CA10: variants seen among roughly 807,000 people sequenced by gnomAD.
The protein encoded by CA10 is carbonic anhydrase-related protein 10.
Under a neutral mutation model 44.2 loss-of-function variants are expected in CA10, and 14 were observed. The ratio of observed to expected loss-of-function variants is 0.32; its 90% CI spans 0.21 to 0.50. The LOEUF (loss-of-function observed/expected upper bound fraction) is 0.50, where lower values mean the gene tolerates loss of function less well. Among genes scored for constraint, CA10 ranks in the 20% least tolerant of loss-of-function variants. CA10 has a pLI of 0.99. For synonymous variants in CA10, 159 were observed against 141.6 expected (o/e 1.12, Z -0.87); for missense variants, 350 against 409.7 (o/e 0.85, Z 1.26).
chr17:51,961,919 A>G (rs1333333690), intron 2 of CA10, among the ~76,000 whole-genome samples: 1 of 151,802 alleles, frequency 6.6e-6, no homozygotes, highest in Admixed American at 6.6e-5. Context: ...CCTTTCCTGC[A>G]CAGAAATCAT....
intron 2 of CA10, among the ~76,000 whole-genome samples, chr17:51,948,686 A>T (rs1983374067): frequency 6.6e-6 from 1 of 152,012 alleles, no homozygotes; most frequent in African/African-American, 2.4e-5. Context: ...AGGGTCTTTT[A>T]TGTGTGTGCC....
chr17:51,693,288 G>A (rs1268206658), intron 4 of CA10, among the ~76,000 whole-genome samples: 2 of 152,076 alleles, frequency 1.3e-5, no homozygotes, highest in East Asian at 3.9e-4. Flanking sequence ...AGCTGGTTTT[G>A]GCTGGTTTAG....
chr17:52,117,760 A>G (rs1402533119), intron 1 of CA10, among the ~76,000 whole-genome samples: 3 of 152,252 alleles, frequency 2.0e-5, no homozygotes, highest in African/African-American at 7.2e-5. Context: ...CAAGGTGTGT[A>G]AGAACAGTAA....
chr17:51,637,627 G>A (rs1912890871), intron 6 of CA10, among the ~76,000 whole-genome samples: 1 of 152,196 alleles, frequency 6.6e-6, no homozygotes, highest in Non-Finnish European at 1.5e-5. Context: ...GCACATATAT[G>A]GTAAAGGAAG....
intron 3 of CA10, among the ~76,000 whole-genome samples, chr17:51,808,416 G>A (rs1046028231): frequency 2.6e-5 from 4 of 152,096 alleles, no homozygotes; most frequent in Admixed American, 6.6e-5. Flanking sequence ...TTAGCAGTAC[G>A]TATAGCTTTT....
intron 6 of CA10, among the ~76,000 whole-genome samples, chr17:51,643,942 G>T (rs1395884933): frequency 6.6e-6 from 1 of 152,116 alleles, no homozygotes; most frequent in East Asian, 1.9e-4. Flanking sequence ...TTAGAAGCTT[G>T]CTTAAAGTCA....
chr17:51,631,320 G>C lies in CA10; in HGVS notation c.*264C>G. On this transcript the variant is annotated 3_prime_UTR_variant, in exon 9 of 9. Coordinates refer to ENST00000451037, the MANE Select transcript of CA10 (RefSeq NM_020178.5). ...AACTTGACTTCCCATGATGGAGGTT[G>C]TAAGAGTGTGTGTGTGTGTAGGTAT... is the stretch of plus-strand genomic sequence containing the variant. 1 of 454,656 alleles carries C rather than the reference G, an allele frequency of 2.2e-6. No individual in the cohort carries two copies. Among genetic ancestry groups the C allele is most frequent in the South Asian group, 3.8e-5 (1 of 25,992 alleles). 28.2% of individuals were successfully genotyped at this position (454,656 alleles called of 1,614,324 possible).
chr17:51,803,061 G>T (rs1453438147), intron 3 of CA10, among the ~76,000 whole-genome samples: 1 of 152,156 alleles, frequency 6.6e-6, no homozygotes, highest in Non-Finnish European at 1.5e-5. Flanking sequence ...TAAATGGGGG[G>T]ATTAGGCTAA....
intron 2 of CA10, among the ~76,000 whole-genome samples, chr17:51,960,912 A>T (rs895016432): frequency 6.6e-6 from 1 of 152,188 alleles, no homozygotes; most frequent in Non-Finnish European, 1.5e-5. Flanking sequence ...ACATGAGTCT[A>T]GGTATTCCTG....
chr17:51,674,683 G>A lies in CA10; in HGVS notation c.466-20947C>T, dbSNP rs115481943. Among the ~76,000 whole-genome samples the A allele has an allele frequency of 7.3e-3, 1,111 of 152,052 alleles. 10 individuals carry two copies. The highest frequency in any genetic ancestry group is 0.025 in the African/African-American group (1,027 of 41,472). On this transcript the variant is annotated intron_variant, in intron 4 of 8. Transcript: ENST00000451037. ...TCTCACCGCAGTGGTGTGCTCTTCC[G>A]CTGCTGGTAAATTGGCACAATAAAT...
rs571462059 is a variant in CA10 at position 51,757,498 on chromosome 17, C to T, written c.280-9680G>A. Among the ~76,000 whole-genome samples the T allele has an allele frequency of 2.0e-5, 3 of 152,372 alleles. No homozygotes were observed. The East Asian group carries it at 5.8e-4, about 29-fold the overall frequency. On this transcript the variant is annotated intron_variant, in intron 3 of 8. Transcript: ENST00000451037. ...AAGTAGCAAACCCAAGATTAGAAAT[C>T]AACCCACTGAGTGTTTCTTGCTTTA... is the stretch of plus-strand genomic sequence containing the variant.
At chr17:51,798,795 G>T (rs1462354224) in intron 3 of CA10, among the ~76,000 whole-genome samples, 6 of 152,354 alleles carry the variant, frequency 3.9e-5, no homozygotes, top group Admixed American at 1.3e-4. Context: ...GGCAGGACTT[G>T]AGAGGAATAT....
At chr17:52,064,638 T>A (rs1277257291) in intron 2 of CA10, among the ~76,000 whole-genome samples, 1 of 152,082 alleles carries the variant, frequency 6.6e-6, no homozygotes, top group Non-Finnish European at 1.5e-5. Context: ...TGGTTGGGTA[T>A]AATTACCTTC....
At chr17:52,043,051 A>G (rs927435206) in intron 2 of CA10, among the ~76,000 whole-genome samples, 1 of 151,846 alleles carries the variant, frequency 6.6e-6, no homozygotes, top group Non-Finnish European at 1.5e-5. Context: ...TTGTTATTGT[A>G]ATGCAATTTT....
At position 51,792,852 on chromosome 17, in the gene CA10, C is replaced by T. The variant is rs117417725; in HGVS notation, c.280-45034G>A. ...TGTCATCTTAACATTATCTCAAATT[C>T]GCATAAATTTGTATTCTCCAAAAGA... On this transcript the variant is annotated intron_variant, in intron 3 of 8. Coordinates refer to ENST00000451037, the MANE Select transcript of CA10 (RefSeq NM_020178.5). Among the ~76,000 whole-genome samples, 860 of 152,254 alleles carry T rather than the reference C, an allele frequency of 5.6e-3. 5 individuals carry two copies. The highest frequency in any genetic ancestry group is 9.1e-3 in the Non-Finnish European group (620 of 68,018).
chr17:51,645,195 G>A (rs1913273498), intron 6 of CA10, among the ~76,000 whole-genome samples: 2 of 152,086 alleles, frequency 1.3e-5, no homozygotes, highest in South Asian at 4.1e-4. Context: ...TCATTATTTG[G>A]GTTGCTGCAA....
intron 3 of CA10, among the ~76,000 whole-genome samples, chr17:51,877,697 T>C (rs1452670974): frequency 6.6e-6 from 1 of 152,208 alleles, no homozygotes; most frequent in Non-Finnish European, 1.5e-5. Context: ...TGCAAACATC[T>C]CTAAATGACA....
Position 51,653,704 on chromosome 17 carries a change from A to G in CA10, c.498T>C (p.Tyr166=). The G allele has an allele frequency of 1.9e-6, 3 of 1,611,000 alleles. No individual in the cohort carries two copies. Among genetic ancestry groups the G allele is most frequent in the South Asian group, 1.1e-5 (1 of 91,024 alleles). ...VQLIHYNHEL[Y]TNVTEAAKSP... The stretch of plus-strand genomic sequence containing the variant: ...TCTTTGCAGCTTCTGTGACATTCGT[A>G]TATAGCTCATGGTTATAGTGGATGA... The change falls in exon 5 of 9, where the codon TAT becomes TAC. Residue 166 remains tyrosine (Y), a synonymous_variant. Coordinates refer to ENST00000451037, the MANE Select transcript of CA10 (RefSeq NM_020178.5).
chr17:52,022,723 T>A (rs1283125090), intron 2 of CA10, among the ~76,000 whole-genome samples: 1 of 151,982 alleles, frequency 6.6e-6, no homozygotes, highest in Non-Finnish European at 1.5e-5. Context: ...AGACTCCATT[T>A]AAAGGCTCCT....
Sources: gnomAD v4.1 joint callset for allele counts (sites outside exome capture counted in the v4.1 genomes callset) on GRCh38, gnomAD v4.1.1 for gene constraint, MANE v1.5 for transcripts, NCBI Gene and HGNC (gene_info 2026-07-23, HGNC 2026-07-21) for gene names.